PRDM10: variants seen among roughly 807,000 people sequenced by gnomAD.
PRDM10 encodes PR domain zinc finger protein 10.
In PRDM10, 65 loss-of-function variants were observed where a neutral mutation model predicts 133.1. That is an observed-to-expected ratio of 0.49 (90% confidence interval 0.40 to 0.60). PRDM10 has a LOEUF of 0.60. Among genes scored for constraint, PRDM10 ranks in the 20% least tolerant of loss-of-function variants. The pLI, the probability that PRDM10 is intolerant of heterozygous loss-of-function variation, is 0.00. For missense variants in PRDM10, 1,137 were observed against 1,507.1 expected (o/e 0.75, Z 4.07); for synonymous variants, 582 against 580.4 (o/e 1.00, Z -0.04).
chr11:130,002,113 C>T (rs1314065792), intron 1 of PRDM10, among the ~76,000 whole-genome samples: 1 of 150,642 alleles, frequency 6.6e-6, no homozygotes, highest in Non-Finnish European at 1.5e-5. Context: ...AGCCCCGGAG[C>T]CCTGCCCGCA....
intron 5 of PRDM10, among the ~76,000 whole-genome samples, chr11:129,946,726 G>T (rs1951425635): frequency 6.6e-6 from 1 of 152,194 alleles, no homozygotes; most frequent in Non-Finnish European, 1.5e-5. Flanking sequence ...GCCTGGGATA[G>T]AACAGCATTC....
At chr11:129,925,659 T>C (rs540283406) in intron 11 of PRDM10, among the ~76,000 whole-genome samples, 170 of 152,112 alleles carry the variant, frequency 1.1e-3, no homozygotes, top group African/African-American at 3.8e-3. Flanking sequence ...TTGAAATCCA[T>C]GAGAAAAAGA....
intron 11 of PRDM10, among the ~76,000 whole-genome samples, chr11:129,930,285 T>C (rs775223999): frequency 2.0e-5 from 3 of 152,232 alleles, no homozygotes; most frequent in Non-Finnish European, 4.4e-5. Flanking sequence ...TGTAAGTCAT[T>C]GGTTTTTATC....
intron 1 of PRDM10, among the ~76,000 whole-genome samples, chr11:129,964,981 G>T (rs1319229135): frequency 6.6e-6 from 1 of 152,194 alleles, no homozygotes; most frequent in Non-Finnish European, 1.5e-5. Context: ...CAGAGCTTCA[G>T]AATTTTCAAA....
At chr11:129,977,156 C>G (rs573887011) in intron 1 of PRDM10, among the ~76,000 whole-genome samples, 1 of 151,942 alleles carries the variant, frequency 6.6e-6, no homozygotes, top group African/African-American at 2.4e-5. Context: ...CTGAGTCCCT[C>G]CAGCAGACAG....
chr11:129,906,434 C>T (rs867874551), intron 19 of PRDM10, among the ~76,000 whole-genome samples: 7 of 152,172 alleles, frequency 4.6e-5, no homozygotes, highest in Non-Finnish European at 8.8e-5. Flanking sequence ...CACCTGCAAT[C>T]GGCTGAAACA....
chr11:129,995,702 T>G (rs747727649), intron 1 of PRDM10, among the ~76,000 whole-genome samples: 1 of 151,762 alleles, frequency 6.6e-6, no homozygotes, highest in East Asian at 1.9e-4. Context: ...CTCCAGCACT[T>G]TGGGAGGCCG....
In PRDM10 at chr11:129,945,222, G is replaced by T. The variant is rs936640416; in HGVS notation, c.521-210C>A. Among the ~76,000 whole-genome samples, 1 of 152,138 alleles carries T rather than the reference G, an allele frequency of 6.6e-6. No homozygotes were observed. The highest frequency in any genetic ancestry group is 1.5e-5 in the Non-Finnish European group (1 of 68,030). ...TCTCCTCTAAAATCAGACAGAATTTGCTTATGCCTGCCAAAAACAACTAGC... is the reference window on the plus strand; with the variant it reads ...TCTCCTCTAAAATCAGACAGAATTTTCTTATGCCTGCCAAAAACAACTAGC... On this transcript the variant is annotated intron_variant, in intron 5 of 20. Transcript: ENST00000360871. The surrounding 1 kb of genome is among the most constrained non-coding windows in gnomAD (Gnocchi z 4.2).
chr11:129,970,842 G>A (rs1191458311), intron 1 of PRDM10, among the ~76,000 whole-genome samples: 3 of 152,036 alleles, frequency 2.0e-5, no homozygotes, highest in East Asian at 1.9e-4. Flanking sequence ...CACGGCACCC[G>A]ACCCCCCTTC....
At chr11:129,955,359 C>T (rs986963335) in intron 4 of PRDM10, among the ~76,000 whole-genome samples, 153 bp downstream of exon 4, 1 of 152,032 alleles carries the variant, frequency 6.6e-6, no homozygotes, top group African/African-American at 2.4e-5. Context: ...TATTATGTTG[C>T]ATTTTGCTTT....
At chr11:129,910,296 C>G (rs1458434505) in intron 19 of PRDM10, among the ~76,000 whole-genome samples, 180 bp downstream of exon 19, 1 of 152,212 alleles carries the variant, frequency 6.6e-6, no homozygotes, top group African/African-American at 2.4e-5. Context: ...CAGGGTAGCT[C>G]TGTGAAAGCG....
At chr11:129,981,703 C>T (rs548777024) in intron 1 of PRDM10, among the ~76,000 whole-genome samples, 63 of 152,062 alleles carry the variant, frequency 4.1e-4, no homozygotes, top group Non-Finnish European at 7.5e-4. Flanking sequence ...CAAGACCAAC[C>T]TGGTCAACAT....
At position 129,931,173 on chromosome 11, in the gene PRDM10, G is replaced by A. The variant is rs1591618300; in HGVS notation, c.1373C>T (p.Thr458Ile). 6.2e-7 allele frequency: 1 copy of A among 1,614,218 alleles called. No homozygotes were observed. The highest frequency in any genetic ancestry group is 8.5e-7 in the Non-Finnish European group (1 of 1,180,004). ...LNGLDQPEQT[T>I]IPIPQLPQET... ...CTGTGGCAGCTGAGGGATTGGGATA[G>A]TGGTCTGTTCTGGTTGATCCAGCCC... Residue 458 changes from threonine to isoleucine, a missense_variant, in exon 11 of 21, where the codon ACT (threonine) becomes ATT (isoleucine). Transcript: ENST00000360871.
At chr11:129,977,085 C>T (rs1001275357) in intron 1 of PRDM10, among the ~76,000 whole-genome samples, 1 of 152,008 alleles carries the variant, frequency 6.6e-6, no homozygotes, top group African/African-American at 2.4e-5. Flanking sequence ...TTCTCTACAC[C>T]TTACAGAGAA....
At position 129,969,591 on chromosome 11, in the gene PRDM10, C is replaced by T. The variant is rs181535733; in HGVS notation, c.-118-8509G>A. Among the ~76,000 whole-genome samples the T allele has an allele frequency of 2.1e-3, 308 of 150,046 alleles. 6 individuals carry two copies. Among genetic ancestry groups the T allele is most frequent in the Non-Finnish European group, 6.3e-4 (43 of 67,758 alleles). On this transcript the variant is annotated intron_variant, in intron 1 of 20. Transcript: ENST00000360871. ...GGCGGATCACTTGAGGAGAGTAGTT[C>T]GAGACCAGCCTGGCCAACATAGTGA... is the stretch of plus-strand genomic sequence containing the variant.
At chr11:129,917,355 A>AG (rs1416695644) in intron 14 of PRDM10, 118 bp from the exon 15 acceptor site, 32 of 726,178 alleles carry the variant, frequency 4.4e-5, no homozygotes, top group Non-Finnish European at 6.7e-6. Context: ...AATGCCCCCA[A>AG]ATAATAAGGC....
intron 1 of PRDM10, among the ~76,000 whole-genome samples, chr11:129,976,523 T>C (rs1937765572): frequency 6.6e-6 from 1 of 152,220 alleles, no homozygotes; most frequent in African/African-American, 2.4e-5. Flanking sequence ...TTAAAACTTA[T>C]GTTCAGAAAA....
chr11:129,983,468 T>G (rs1199615731), intron 1 of PRDM10, among the ~76,000 whole-genome samples: 3 of 152,034 alleles, frequency 2.0e-5, no homozygotes, highest in Non-Finnish European at 4.4e-5. Flanking sequence ...CTAATTTTGT[T>G]TTTGTATTTT....
Position 129,947,121 on chromosome 11 carries a change from G to A in PRDM10, c.520+24C>T. On this transcript the variant is annotated intron_variant, in intron 5 of 20. Transcript: ENST00000360871. The surrounding 1 kb of genome is among the most constrained non-coding windows in gnomAD (Gnocchi z 4.6). ...ACACAAGATGGACACAGCTTCCCTG[G>A]GGGAGACCCGTGCCCACACTTACAC... 1 of 1,611,708 alleles carries A rather than the reference G, an allele frequency of 6.2e-7. No homozygotes were observed. The highest frequency in any genetic ancestry group is 1.1e-5 in the South Asian group (1 of 90,822).
Sources: gnomAD v4.1 joint callset for allele counts (sites outside exome capture counted in the v4.1 genomes callset) on GRCh38, gnomAD v4.1.1 for gene constraint, Gnocchi (gnomAD v3.1) non-coding constraint, MANE v1.5 for transcripts, NCBI Gene and HGNC (gene_info 2026-07-23, HGNC 2026-07-21) for gene names.